MACROD2: variants seen among roughly 807,000 people sequenced by gnomAD.
The protein encoded by MACROD2 is ADP-ribose glycohydrolase MACROD2.
Under a neutral mutation model 70.4 loss-of-function variants are expected in MACROD2, and 36 were observed. The ratio of observed to expected loss-of-function variants is 0.51; its 90% CI spans 0.39 to 0.68. MACROD2 has a LOEUF of 0.68. MACROD2 is among the 30% of genes least tolerant of loss of function. The pLI is 0.00. For missense variants in MACROD2, 496 were observed against 538.4 expected, an observed-to-expected ratio of 0.92 and a Z score of 0.78; for synonymous variants, 172 against 178.8, an observed-to-expected ratio of 0.96 and a Z score of 0.30.
At chr20:14,095,066 C>T (rs993889101) in intron 3 of MACROD2, among the ~76,000 whole-genome samples, 4 of 152,172 alleles carry the variant, frequency 2.6e-5, no homozygotes, top group African/African-American at 9.7e-5. Flanking sequence ...TCATCTCCTA[C>T]TGGAAGCGTG....
intron 11 of MACROD2, among the ~76,000 whole-genome samples, chr20:15,935,984 C>T (rs1005521818): frequency 1.3e-5 from 2 of 151,956 alleles, no homozygotes; most frequent in African/African-American, 4.8e-5. Flanking sequence ...AATTCTGTTC[C>T]AAAGGACACC....
chr20:14,520,433 C>T (rs111527659), intron 4 of MACROD2, among the ~76,000 whole-genome samples: 1 of 150,604 alleles, frequency 6.6e-6, no homozygotes, highest in African/African-American at 2.4e-5. Context: ...GGTTTGTTTG[C>T]TTGTTGGTTT....
intron 9 of MACROD2, among the ~76,000 whole-genome samples, chr20:15,872,509 G>T (rs141517067): frequency 6.6e-6 from 1 of 152,106 alleles, no homozygotes; most frequent in East Asian, 1.9e-4. Flanking sequence ...GTGGCTTTGC[G>T]CATGTTGTTT....
chr20:15,648,579 A>G (rs999481569), intron 8 of MACROD2, among the ~76,000 whole-genome samples: 2 of 152,212 alleles, frequency 1.3e-5, no homozygotes, highest in African/African-American at 2.4e-5. Context: ...TTGTTGTATA[A>G]TAGTGTAACA....
chr20:14,461,988 TTTGGGTATATACCCAGTAATG>T (rs547441305), intron 3 of MACROD2, among the ~76,000 whole-genome samples: 10 of 152,166 alleles, frequency 6.6e-5, no homozygotes, highest in African/African-American at 2.4e-4. Context: ...TTTATAATCC[TTTGGGTATATACCCAGTAATG>T]TTGGGTATAT....
At chr20:16,042,429 A>G (rs776778347) in intron 16 of MACROD2, among the ~76,000 whole-genome samples, 8 of 152,062 alleles carry the variant, frequency 5.3e-5, no homozygotes, top group Non-Finnish European at 8.8e-5. Context: ...AAGAGAAGTA[A>G]ATGTGAAATA....
chr20:14,470,536 C>T (rs1255763639), intron 3 of MACROD2, among the ~76,000 whole-genome samples: 1 of 152,174 alleles, frequency 6.6e-6, no homozygotes, highest in Non-Finnish European at 1.5e-5. Context: ...CGCCCCTACC[C>T]CCAGGTGCTC....
intron 8 of MACROD2, among the ~76,000 whole-genome samples, chr20:15,757,681 A>G (rs2051367857): frequency 6.6e-6 from 1 of 152,182 alleles, no homozygotes; most frequent in Non-Finnish European, 1.5e-5. Context: ...GTCCAAGAGC[A>G]GATTCGGTTC....
intron 8 of MACROD2, among the ~76,000 whole-genome samples, chr20:15,815,964 A>G (rs759295590): frequency 6.6e-6 from 1 of 152,146 alleles, no homozygotes; most frequent in Non-Finnish European, 1.5e-5. Flanking sequence ...TCAAGCTGAC[A>G]TTATTTAATC....
At chr20:14,633,459 T>C (rs1984623207) in intron 4 of MACROD2, among the ~76,000 whole-genome samples, 1 of 152,172 alleles carries the variant, frequency 6.6e-6, no homozygotes, top group South Asian at 2.1e-4. Flanking sequence ...CTACTCTGAG[T>C]TGGTGATAAA....
intron 6 of MACROD2, among the ~76,000 whole-genome samples, chr20:15,362,987 AGAAGGAAGAAAGGAAAGAAG>A (rs140176496): frequency 0.14 from 20,879 of 151,874 alleles, 1,641 homozygotes; most frequent in African/African-American, 0.21. Flanking sequence ...AAGGAAAGAA[AGAAGGAAGAAAGGAAAGAAG>A]GAAGGGAGAA....
chr20:14,328,417 AT>A (rs1372818971), intron 3 of MACROD2, among the ~76,000 whole-genome samples: 6 of 152,018 alleles, frequency 3.9e-5, no homozygotes, highest in Admixed American at 6.6e-5. Context: ...GTGCATTTAT[AT>A]TTCTTTGAAT....
At chr20:14,290,616 TCTC>T (rs1486433648) in intron 3 of MACROD2, among the ~76,000 whole-genome samples, 2 of 151,926 alleles carry the variant, frequency 1.3e-5, no homozygotes, top group Non-Finnish European at 2.9e-5. Context: ...TTCAGGCAAT[TCTC>T]CTGCCTCAGC....
At chr20:14,982,372 T>C (rs563644221) in intron 5 of MACROD2, among the ~76,000 whole-genome samples, 13 of 152,132 alleles carry the variant, frequency 8.5e-5, no homozygotes, top group Non-Finnish European at 1.9e-4. Context: ...GAAATTTGCA[T>C]AAGTAATGAG....
At chr20:14,585,266 T>C (rs1981299802) in intron 4 of MACROD2, among the ~76,000 whole-genome samples, 1 of 152,214 alleles carries the variant, frequency 6.6e-6, no homozygotes, top group African/African-American at 2.4e-5. Context: ...TGTTTTTTAC[T>C]TAGCACATGT....
intron 3 of MACROD2, among the ~76,000 whole-genome samples, chr20:14,261,358 C>CA (rs1176011241): frequency 6.6e-6 from 1 of 151,996 alleles, no homozygotes; most frequent in Non-Finnish European, 1.5e-5. Flanking sequence ...TATTCTTAAC[C>CA]AAAAATCTAT....
intron 4 of MACROD2, among the ~76,000 whole-genome samples, chr20:14,505,636 G>A (rs1033399749): frequency 5.3e-5 from 8 of 152,208 alleles, no homozygotes; most frequent in Admixed American, 4.6e-4. Flanking sequence ...TTAAAACACA[G>A]ATTACTGGGC....
intron 8 of MACROD2, among the ~76,000 whole-genome samples, chr20:15,593,284 C>A (rs1018054531): frequency 3.9e-5 from 6 of 152,124 alleles, no homozygotes; most frequent in African/African-American, 1.4e-4. Flanking sequence ...TGATAAGGAG[C>A]CCTGGCTTAA....
intron 4 of MACROD2, among the ~76,000 whole-genome samples, chr20:14,582,760 G>GAAACC: frequency 6.6e-6 from 1 of 152,018 alleles, no homozygotes; most frequent in South Asian, 2.1e-4. Context: ...CTCCAGCATT[G>GAAACC]AAACCAATTG....
Sources: allele counts gnomAD v4.1 joint callset (sites outside exome capture counted in the v4.1 genomes callset), GRCh38; gene constraint gnomAD v4.1.1; transcripts MANE v1.5; gene names NCBI Gene and HGNC (gene_info 2026-07-23, HGNC 2026-07-21).